RNASE4: variants seen among roughly 807,000 people sequenced by gnomAD.
RNASE4 encodes ribonuclease 4.
For synonymous variants in RNASE4, 93 were observed against 71.4 expected, an observed-to-expected ratio of 1.30 and a Z score of -1.52; for missense variants, 194 against 192.8, an observed-to-expected ratio of 1.01 and a Z score of -0.04.
At chr14:20,685,139 C>G (rs1354260097) in intron 1 of RNASE4, among the ~76,000 whole-genome samples, 14 of 152,136 alleles carry the variant, frequency 9.2e-5, no homozygotes, top group Admixed American at 9.2e-4. Flanking sequence ...TAGTTTTTTG[C>G]AAGCGTAACT....
intron 1 of RNASE4, among the ~76,000 whole-genome samples, chr14:20,692,196 T>A (rs1886792287): frequency 6.6e-6 from 1 of 152,254 alleles, no homozygotes; most frequent in African/African-American, 2.4e-5. Flanking sequence ...AATTTGAAGA[T>A]CAGATTTTTC....
At chr14:20,689,641 G>C (rs939610884) in intron 1 of RNASE4, among the ~76,000 whole-genome samples, 2 of 152,194 alleles carry the variant, frequency 1.3e-5, no homozygotes, top group African/African-American at 4.8e-5. Flanking sequence ...TTGGGGCCAG[G>C]TGTGGTGGCT....
intron 1 of RNASE4, chr14:20,694,117 C>A: frequency 8.4e-7 from 1 of 1,189,936 alleles, no homozygotes; most frequent in Non-Finnish European, 1.2e-6. Flanking sequence ...AAAGAAAGAG[C>A]TACCTGGACC....
At chr14:20,690,916 C>G (rs1170497753) in intron 1 of RNASE4, among the ~76,000 whole-genome samples, 1 of 152,178 alleles carries the variant, frequency 6.6e-6, no homozygotes, top group Non-Finnish European at 1.5e-5. Flanking sequence ...TGGGTAATGG[C>G]ATGTTTGGAA....
chr14:20,689,451 C>T (rs1566599262), intron 1 of RNASE4, among the ~76,000 whole-genome samples: 1 of 152,174 alleles, frequency 6.6e-6, no homozygotes, highest in Admixed American at 6.5e-5. Context: ...TGTGAAGCCA[C>T]ATTGATGAAA....
At chr14:20,694,539 A>G (rs1887009320) in intron 1 of RNASE4, among the ~76,000 whole-genome samples, 1 of 151,908 alleles carries the variant, frequency 6.6e-6, no homozygotes, top group South Asian at 2.1e-4. Flanking sequence ...ACCTCGGGAG[A>G]TCCGCCCACC....
At chr14:20,688,619 T>C (rs1260087718) in intron 1 of RNASE4, 26 of 867,366 alleles carry the variant, frequency 3.0e-5, no homozygotes, top group Non-Finnish European at 3.6e-5. Flanking sequence ...CTCTAATCCA[T>C]TCAGGTGGGT....
rs577473144 is a variant in RNASE4 at position 20,700,854 on chromosome 14, A to G, written c.*1039A>G. 6.5e-6 allele frequency: 1 copy of G among 152,742 alleles called. No individual in the cohort carries two copies. The highest frequency in any genetic ancestry group is 6.5e-5 in the Admixed American group (1 of 15,306). The allele number at this position is 152,742 out of a possible 1,614,324, so 9.5% of individuals were successfully genotyped here. ...AGGGAGCTGTCAGGTCTCTGAGCCC[A>G]AGCCTGCACGTATACATCCAGATGG... On this transcript the variant is annotated 3_prime_UTR_variant, in exon 2 of 2. Coordinates refer to ENST00000555835, the MANE Select transcript of RNASE4 (RefSeq NM_002937.5).
chr14:20,692,742 T>G (rs1470782870), intron 1 of RNASE4, among the ~76,000 whole-genome samples: 4 of 152,222 alleles, frequency 2.6e-5, no homozygotes, highest in Non-Finnish European at 5.9e-5. Context: ...AAAACTCTCT[T>G]CTTAGCTCTC....
rs1886974489 is a variant in RNASE4 at position 20,694,028 on chromosome 14, G to C, written c.-17-5327G>C. On this transcript the variant is annotated intron_variant, in intron 1 of 1. Transcript: ENST00000555835. The stretch of plus-strand genomic sequence containing the variant: ...CCGTAACCAGCGGGCCCCTGGTCAA[G>C]TGCTGGCTCTGCTGTCCTTGCCTTC... 8 of 1,614,074 alleles carry C rather than the reference G, an allele frequency of 5.0e-6. No individual in the cohort carries two copies. The Middle Eastern group carries it at 1.3e-3, about 266-fold the overall frequency.
intron 1 of RNASE4, among the ~76,000 whole-genome samples, chr14:20,690,197 G>A (rs1388016508): frequency 1.6e-5 from 2 of 123,180 alleles, no homozygotes; most frequent in Non-Finnish European, 3.2e-5. Context: ...AGTCCGGCCT[G>A]GGCGACAGAG....
rs1887249544 is a variant in RNASE4, at chr14:20,700,241, G to A, written c.*426G>A. 5.9e-6 allele frequency: 1 copy of A among 169,340 alleles called. No homozygotes were observed. Among genetic ancestry groups the A allele is most frequent in the Non-Finnish European group, 1.4e-5 (1 of 69,600 alleles). The allele number at this position is 169,340 out of a possible 1,614,324, so 10.5% of individuals were successfully genotyped here. ...AGACTGTAAAGTTAATGGAAGAATT[G>A]AGACAAAAATCCAGTGTAGCTGGCC... On this transcript the variant is annotated 3_prime_UTR_variant, in exon 2 of 2. Coordinates refer to ENST00000555835, the MANE Select transcript of RNASE4 (RefSeq NM_002937.5).
intron 1 of RNASE4, among the ~76,000 whole-genome samples, chr14:20,696,035 T>C (rs1173242752): frequency 6.6e-6 from 1 of 152,204 alleles, no homozygotes; most frequent in African/African-American, 2.4e-5. Flanking sequence ...TTTCTCAAGT[T>C]CTCCAACCAG....
Position 20,699,158 on chromosome 14 carries a change from A to G in RNASE4, c.-17-197A>G, listed in dbSNP as rs117731651. The G allele has an allele frequency of 7.1e-3, 3,926 of 551,166 alleles. 147 individuals are homozygous for G. Among genetic ancestry groups the G allele is most frequent in the South Asian group, 0.064 (2,350 of 36,724 alleles). The allele number at this position is 551,166 out of a possible 1,614,324, so 34.1% of individuals were successfully genotyped here. ...TAAATGAGAAAGGTCTTGCTTTCAG[A>G]AAAGATCATGTTTGCAAACTACTCA... On this transcript the variant is annotated intron_variant, in intron 1 of 1. Transcript: ENST00000555835.
At chr14:20,693,392 G>A in intron 1 of RNASE4, 1 of 950,508 alleles carries the variant, frequency 1.1e-6, no homozygotes. Context: ...TTGACGAAGT[G>A]TGAGGTTAAT....
intron 1 of RNASE4, among the ~76,000 whole-genome samples, chr14:20,692,610 T>C (rs1014275682): frequency 3.9e-5 from 6 of 152,230 alleles, no homozygotes; most frequent in African/African-American, 1.4e-4. Flanking sequence ...ATCTAACTAA[T>C]GCTTGATGAT....
Position 20,699,900 on chromosome 14 carries a change from A to C in RNASE4, c.*85A>C, listed in dbSNP as rs1887238938. On this transcript the variant is annotated 3_prime_UTR_variant, in exon 2 of 2. Coordinates refer to ENST00000555835, the MANE Select transcript of RNASE4 (RefSeq NM_002937.5). ...GTGAGTAATGCATTTGAGCTGTCCC[A>C]GGCTCTGTCTCCTCAGCTCATTTCC... 1 of 1,153,570 alleles carries C rather than the reference A, an allele frequency of 8.7e-7. No homozygotes were observed. Among genetic ancestry groups the C allele is most frequent in the Non-Finnish European group, 1.3e-6 (1 of 783,238 alleles). The allele number at this position is 1,153,570 out of a possible 1,614,324, so 71.5% of individuals were successfully genotyped here. A position where few individuals can be genotyped will look rare whatever the true frequency, so the allele number is the denominator to read the frequency against.
Position 20,693,090 on chromosome 14 carries a change from G to A in RNASE4, c.-17-6265G>A, listed in dbSNP as rs371879733. ...TCTCGATCTCCTGACCTCGTGATCC[G>A]CCCGCCTTGGCCTCCCAAAGTGCTG... On this transcript the variant is annotated intron_variant, in intron 1 of 1. Coordinates refer to ENST00000555835, the MANE Select transcript of RNASE4 (RefSeq NM_002937.5). Among the ~76,000 whole-genome samples, 58 of 151,860 alleles carry A rather than the reference G, an allele frequency of 3.8e-4. No homozygotes were observed. In the Middle Eastern group the frequency reaches 0.01, roughly 27 times the overall value.
intron 1 of RNASE4, among the ~76,000 whole-genome samples, chr14:20,698,151 C>T (rs1887154483): frequency 6.6e-6 from 1 of 151,890 alleles, no homozygotes; most frequent in Non-Finnish European, 1.5e-5. Flanking sequence ...TCTGAAACTA[C>T]ATGGCAATGC....
Sources: gnomAD v4.1 joint callset for allele counts (sites outside exome capture counted in the v4.1 genomes callset) on GRCh38, gnomAD v4.1.1 for gene constraint, MANE v1.5 for transcripts, NCBI Gene and HGNC (gene_info 2026-07-23, HGNC 2026-07-21) for gene names.